The following TMEM117 variants were observed in gnomAD, a reference collection of about 807,000 sequenced individuals.
TMEM117 encodes transmembrane protein 117.
Under a neutral mutation model 52.4 loss-of-function variants are expected in TMEM117, and 27 were observed. The ratio of observed to expected loss-of-function variants is 0.51; its 90% CI spans 0.38 to 0.71. The LOEUF (loss-of-function observed/expected upper bound fraction) is 0.71, where lower values mean the gene tolerates loss of function less well. TMEM117 is among the 30% of genes least tolerant of loss of function. The pLI is 0.00. For synonymous variants in TMEM117, 215 were observed against 206.3 expected, an observed-to-expected ratio of 1.04 and a Z score of -0.36; for missense variants, 556 against 630.5, an observed-to-expected ratio of 0.88 and a Z score of 1.26.
At chr12:44,086,586 G>T (rs1468974282) in intron 3 of TMEM117, among the ~76,000 whole-genome samples, 2 of 152,044 alleles carry the variant, frequency 1.3e-5, no homozygotes, top group Non-Finnish European at 2.9e-5. Flanking sequence ...TGTTCTGCAT[G>T]CTGGCCTTCA....
At chr12:44,102,095 C>T (rs902385705) in intron 3 of TMEM117, among the ~76,000 whole-genome samples, 3 of 151,692 alleles carry the variant, frequency 2.0e-5, no homozygotes, top group African/African-American at 7.3e-5. Context: ...TAATGAAGAA[C>T]AGGAAAAGGA....
the TMEM117 span, among the ~76,000 whole-genome samples, chr12:43,814,189 A>ATC: frequency 2.0e-5 from 3 of 152,156 alleles, no homozygotes; most frequent in South Asian, 6.2e-4. Context: ...TTGAGTACAC[A>ATC]TCAGAGAAGC....
At chr12:44,003,878 G>A (rs747668852) in intron 3 of TMEM117, among the ~76,000 whole-genome samples, 2 of 152,186 alleles carry the variant, frequency 1.3e-5, no homozygotes, top group Non-Finnish European at 2.9e-5. Context: ...TAGTCAGGAT[G>A]CATAGGCAAT....
In TMEM117 at chr12:44,015,174, C is replaced by T. The variant is rs187787482; in HGVS notation, c.410+70832C>T. 2.3e-3 allele frequency among the ~76,000 whole-genome samples: 354 copies of T among 151,972 alleles called. 3 individuals carry two copies. The highest frequency in any genetic ancestry group is 8.1e-3 in the African/African-American group (336 of 41,434). On this transcript the variant is annotated intron_variant, in intron 3 of 7. Transcript: ENST00000266534. ...CAAGATCTGTCCAAGAACAGTGTAT[C>T]ATCTAAAAGAGGGGATGCTGGACTT...
chr12:43,797,984 G>A, the TMEM117 span: 1 of 773,174 alleles, frequency 1.3e-6, no homozygotes, highest in East Asian at 2.8e-5. Context: ...GGTCCTGCTA[G>A]CATTTTGTCA....
chr12:43,836,650 A>G (rs752358507), intron 1 of TMEM117, among the ~76,000 whole-genome samples: 5 of 152,182 alleles, frequency 3.3e-5, no homozygotes, highest in Admixed American at 6.5e-5. Context: ...GTTCTTGGGA[A>G]AAAAACAAAG....
Position 44,090,506 on chromosome 12 carries a change from G to C in TMEM117, c.411-53019G>C, listed in dbSNP as rs185598049. On this transcript the variant is annotated intron_variant, in intron 3 of 7. Coordinates refer to ENST00000266534, the MANE Select transcript of TMEM117 (RefSeq NM_032256.3). ...GGTTGGAGTGCAGTGGCACAATCTC[G>C]GCTCACTGCAACCTCTGCCTCCCGG... Among the ~76,000 whole-genome samples, 211 of 151,020 alleles carry C rather than the reference G, an allele frequency of 1.4e-3. 3 individuals are homozygous for C. In the East Asian group the frequency reaches 0.033, roughly 24 times the overall value.
At chr12:43,972,920 G>A (rs368832040) in intron 3 of TMEM117, among the ~76,000 whole-genome samples, 51 of 152,194 alleles carry the variant, frequency 3.4e-4, no homozygotes, top group Admixed American at 2.0e-3. Flanking sequence ...GTGACCAAGA[G>A]CATGCTTCTG....
the TMEM117 span, among the ~76,000 whole-genome samples, chr12:43,813,474 G>A: frequency 4.0e-5 from 6 of 151,726 alleles, no homozygotes; most frequent in South Asian, 1.2e-3. Context: ...CGAACTACTG[G>A]CTTCGGCCTC....
At chr12:44,059,428 A>G (rs1474517985) in intron 3 of TMEM117, among the ~76,000 whole-genome samples, 1 of 152,174 alleles carries the variant, frequency 6.6e-6, no homozygotes, top group African/African-American at 2.4e-5. Flanking sequence ...TTAGTTTTTG[A>G]GAGAATTCTG....
the TMEM117 span, chr12:43,797,505 G>A: frequency 2.1e-6 from 3 of 1,443,968 alleles, no homozygotes; most frequent in African/African-American, 1.4e-5. Context: ...AGGAAATTAA[G>A]TTAAAACATA....
chr12:44,058,062 A>T (rs1947084748), intron 3 of TMEM117, among the ~76,000 whole-genome samples: 2 of 152,220 alleles, frequency 1.3e-5, no homozygotes, highest in South Asian at 4.1e-4. Context: ...ATAAGAAGCC[A>T]TTTGAGAGCA....
chr12:43,913,113 C>T (rs1944543086), intron 2 of TMEM117, among the ~76,000 whole-genome samples: 1 of 152,250 alleles, frequency 6.6e-6, no homozygotes, highest in Non-Finnish European at 1.5e-5. Flanking sequence ...ACATATGGCC[C>T]TGTCAAATGC....
Position 44,330,654 on chromosome 12 carries a change from G to A in TMEM117, c.768+30915G>A, listed in dbSNP as rs536262231. ...TAGCCACATGTAGCTAGTGACTACC[G>A]TATTGGACAAGTCCAAGATCTTGAT... is the stretch of plus-strand genomic sequence containing the variant. On this transcript the variant is annotated intron_variant, in intron 6 of 7. Transcript: ENST00000266534. 1.1e-4 allele frequency among the ~76,000 whole-genome samples: 16 copies of A among 152,078 alleles called. No homozygotes were observed. In the South Asian group the frequency reaches 2.3e-3, roughly 22 times the overall value.
rs576450681 is a variant in TMEM117 at position 44,294,571 on chromosome 12, C to T, written c.609-5009C>T. ...ACTCAGCATACCATTTTTTTTCTTTCTTTACTAAGTCAAGAGCTTTCACCT... is the reference window on the plus strand; with the variant it reads ...ACTCAGCATACCATTTTTTTTCTTTTTTTACTAAGTCAAGAGCTTTCACCT... On this transcript the variant is annotated intron_variant, in intron 5 of 7. Coordinates refer to ENST00000266534, the MANE Select transcript of TMEM117 (RefSeq NM_032256.3). 9.2e-5 allele frequency among the ~76,000 whole-genome samples: 14 copies of T among 151,946 alleles called. 1 individual carries two copies. In the South Asian group the frequency reaches 2.9e-3, roughly 32 times the overall value.
chr12:44,233,194 A>G (rs1238125642), intron 5 of TMEM117, among the ~76,000 whole-genome samples: 3 of 151,314 alleles, frequency 2.0e-5, no homozygotes, highest in African/African-American at 2.4e-5. Context: ...ACTTATTTCA[A>G]TAAAGTCTTT....
intron 2 of TMEM117, among the ~76,000 whole-genome samples, chr12:43,897,705 T>C (rs181227307): frequency 5.9e-5 from 9 of 152,094 alleles, no homozygotes; most frequent in Non-Finnish European, 1.0e-4. Flanking sequence ...CCTCCTGGGT[T>C]CAAGCCATTC....
intron 7 of TMEM117, among the ~76,000 whole-genome samples, chr12:44,383,408 A>G (rs956557809): frequency 6.6e-6 from 1 of 152,032 alleles, no homozygotes; most frequent in Admixed American, 6.6e-5. Context: ...GATTCTGTAA[A>G]CTCCCACAAA....
At chr12:44,190,310 A>C (rs1266915947) in intron 4 of TMEM117, among the ~76,000 whole-genome samples, 1 of 151,694 alleles carries the variant, frequency 6.6e-6, no homozygotes, top group Non-Finnish European at 1.5e-5. Flanking sequence ...AGCAAAAATA[A>C]ATTTTAGTAT....
Sources: gnomAD v4.1 joint callset for allele counts (sites outside exome capture counted in the v4.1 genomes callset) on GRCh38, gnomAD v4.1.1 for gene constraint, MANE v1.5 for transcripts, NCBI Gene and HGNC (gene_info 2026-07-23, HGNC 2026-07-21) for gene names.